SCAPER: variants seen among roughly 807,000 people sequenced by gnomAD.
The protein encoded by SCAPER is S phase cyclin A-associated protein in the endoplasmic reticulum.
SCAPER carries 98 observed loss-of-function variants against 182.2 expected under a neutral mutation model. The observed-to-expected ratio is 0.54, with a 90% CI of 0.46 to 0.64. The LOEUF (loss-of-function observed/expected upper bound fraction) is 0.64, where lower values mean the gene tolerates loss of function less well. Among genes scored for constraint, SCAPER ranks in the 30% least tolerant of loss-of-function variants. The pLI is 0.00. For missense variants in SCAPER, 1,432 were observed against 1,690.0 expected, an observed-to-expected ratio of 0.85 and a Z score of 2.68; for synonymous variants, 605 against 564.6, an observed-to-expected ratio of 1.07 and a Z score of -1.01.
chr15:76,851,958 G>A (rs1306034004), intron 4 of SCAPER, among the ~76,000 whole-genome samples: 1 of 151,918 alleles, frequency 6.6e-6, no homozygotes, highest in African/African-American at 2.4e-5. Flanking sequence ...CACACATAGA[G>A]ACATGCATAG....
At chr15:76,610,516 C>T (rs1354930551) in intron 22 of SCAPER, among the ~76,000 whole-genome samples, 1 of 152,104 alleles carries the variant, frequency 6.6e-6, no homozygotes, top group Non-Finnish European at 1.5e-5. Context: ...GACAAAATCA[C>T]ACACAAAGAA....
chr15:76,761,410 T>C (rs763733504), intron 14 of SCAPER, among the ~76,000 whole-genome samples: 8 of 152,166 alleles, frequency 5.3e-5, no homozygotes, highest in Non-Finnish European at 7.4e-5. Flanking sequence ...GTTCTGTGAG[T>C]TAGAAAACTA....
At chr15:76,902,888 C>G (rs146596242) in intron 1 of SCAPER, among the ~76,000 whole-genome samples, 99 of 152,060 alleles carry the variant, frequency 6.5e-4, no homozygotes, top group African/African-American at 2.2e-3. Flanking sequence ...GAAACCCGGT[C>G]TCTACTAAAA....
At chr15:76,479,529 C>T (rs1006283331) in intron 24 of SCAPER, among the ~76,000 whole-genome samples, 3 of 152,062 alleles carry the variant, frequency 2.0e-5, no homozygotes, top group Non-Finnish European at 2.9e-5. Flanking sequence ...AGTCTTTTCA[C>T]TGAAAATGTT....
chr15:76,453,071 C>T (rs150897401), intron 25 of SCAPER, among the ~76,000 whole-genome samples: 214 of 152,214 alleles, frequency 1.4e-3, no homozygotes, highest in African/African-American at 5.0e-3. Context: ...TGGCCTCCAG[C>T]GATCCTCCTG....
At chr15:76,459,064 C>T (rs2142934440) in intron 25 of SCAPER, among the ~76,000 whole-genome samples, 1 of 151,872 alleles carries the variant, frequency 6.6e-6, no homozygotes, top group Non-Finnish European at 1.5e-5. Context: ...CTGGCAAATT[C>T]TTTTTTATTT....
chr15:76,862,289 A>G, intron 3 of SCAPER, 127 bp downstream of exon 3: 3 of 544,960 alleles, frequency 5.5e-6, no homozygotes, highest in Non-Finnish European at 6.4e-6. Context: ...ACAAAAAAGT[A>G]TTTCTTATTT....
intron 2 of SCAPER, among the ~76,000 whole-genome samples, chr15:76,877,143 C>T (rs1057022918): frequency 6.7e-6 from 1 of 149,966 alleles, no homozygotes; most frequent in East Asian, 2.0e-4. Flanking sequence ...CCCAGGAGGT[C>T]GAGGCAGCAG....
intron 14 of SCAPER, among the ~76,000 whole-genome samples, chr15:76,762,170 A>C (rs1030242342): frequency 2.6e-5 from 4 of 152,092 alleles, no homozygotes; most frequent in Non-Finnish European, 5.9e-5. Flanking sequence ...AAGGCAGCAT[A>C]TGGTTGGGTA....
intron 29 of SCAPER, among the ~76,000 whole-genome samples, chr15:76,362,322 T>C (rs1596302474): frequency 2.6e-5 from 4 of 152,016 alleles, no homozygotes; most frequent in Non-Finnish European, 1.5e-5. Flanking sequence ...AATTCACTTA[T>C]ATGGGAATAG....
At position 76,471,275 on chromosome 15, in the gene SCAPER, G is replaced by A. The variant is rs780925806; in HGVS notation, c.3015C>T (p.Cys1005=). 6.2e-7 allele frequency: 1 copy of A among 1,612,278 alleles called. No individual in the cohort carries two copies. Among genetic ancestry groups the A allele is most frequent in the Admixed American group, 1.7e-5 (1 of 59,916 alleles). The change falls in exon 25 of 32, where the codon TGC becomes TGT. Residue 1005 remains cysteine (C), a synonymous_variant. Transcript: ENST00000563290. ...TCTTGTTACTAAACAGAACATCACTGCAGTTTTCTGAACAGTTATTGCAGG... is the reference window on the plus strand; with the variant it reads ...TCTTGTTACTAAACAGAACATCACTACAGTTTTCTGAACAGTTATTGCAGG... ...NLTCNNCSEN[C]SDVLFSNKIT... is the part of the protein sequence containing the mutation.
chr15:76,475,582 G>A (rs957814982), intron 24 of SCAPER, among the ~76,000 whole-genome samples: 2 of 152,104 alleles, frequency 1.3e-5, no homozygotes, highest in Non-Finnish European at 2.9e-5. Flanking sequence ...CAAAGTGCTG[G>A]GATTACAGGC....
chr15:76,770,940 CCAATAT>C (rs1322945954), intron 10 of SCAPER, among the ~76,000 whole-genome samples: 1 of 151,964 alleles, frequency 6.6e-6, no homozygotes, highest in Non-Finnish European at 1.5e-5. Flanking sequence ...CCTTAAACAA[CCAATAT>C]CAAGTTTCAT....
Position 76,623,962 on chromosome 15 carries a change from C to T in SCAPER, c.2646-2133G>A, listed in dbSNP as rs1462199935. Among the ~76,000 whole-genome samples, 4 of 152,122 alleles carry T rather than the reference C, an allele frequency of 2.6e-5. No homozygotes were observed. In the East Asian group the frequency reaches 7.7e-4, roughly 29 times the overall value. The stretch of plus-strand genomic sequence containing the variant: ...CACAGCCAATACCATAGTTGATGGG[C>T]CAAAGCTGGAAGCATTTCCCTGAAG... On this transcript the variant is annotated intron_variant, in intron 21 of 31. Coordinates refer to ENST00000563290, the MANE Select transcript of SCAPER (RefSeq NM_020843.4).
chr15:76,844,671 A>G (rs1347834085), intron 4 of SCAPER, among the ~76,000 whole-genome samples: 1 of 152,134 alleles, frequency 6.6e-6, no homozygotes, highest in Admixed American at 6.5e-5. Context: ...CCATAAAGAA[A>G]TCCAAACCCT....
intron 24 of SCAPER, 41 bp downstream of exon 24, chr15:76,504,818 A>C (rs1369294971): frequency 6.7e-7 from 1 of 1,497,034 alleles, no homozygotes; most frequent in Non-Finnish European, 9.0e-7. Context: ...GAAATGACTC[A>C]CAAATGAAAC....
At chr15:76,884,026 C>A (rs1220121519) in intron 1 of SCAPER, 150 bp from the exon 2 acceptor site, 1 of 508,392 alleles carries the variant, frequency 2.0e-6, no homozygotes. Context: ...TATAATATAG[C>A]ATGCTTTAAA....
intron 20 of SCAPER, among the ~76,000 whole-genome samples, chr15:76,687,416 A>G (rs1048164946): frequency 5.3e-5 from 8 of 152,188 alleles, no homozygotes; most frequent in African/African-American, 1.9e-4. Flanking sequence ...AAATCAAAGA[A>G]TAGTCCTCAT....
chr15:76,444,421 T>C (rs1487184918), intron 25 of SCAPER, among the ~76,000 whole-genome samples: 1 of 152,200 alleles, frequency 6.6e-6, no homozygotes, highest in Non-Finnish European at 1.5e-5. Context: ...TTATGTTCAT[T>C]ATGTAATTCA....
Sources: allele counts gnomAD v4.1 joint callset (sites outside exome capture counted in the v4.1 genomes callset), GRCh38; gene constraint gnomAD v4.1.1; transcripts MANE v1.5; gene names NCBI Gene and HGNC (gene_info 2026-07-23, HGNC 2026-07-21).